Variants in ATP6V0A1 observed in about 807,000 individuals in gnomAD.
ATP6V0A1 encodes ATPase H+ transporting V0 subunit a1, also known as V-type proton ATPase 116 kDa subunit a 1.
A neutral mutation model predicts 105.4 loss-of-function variants in ATP6V0A1; 43 were observed. The observed-to-expected ratio is 0.41, with a 90% CI of 0.32 to 0.53. ATP6V0A1 has a LOEUF of 0.53. Ranked by LOEUF, ATP6V0A1 falls within the 20% of genes least tolerant of loss-of-function variation. The pLI is 0.30. For missense variants in ATP6V0A1, 676 were observed against 1,051.1 expected (o/e 0.64, Z 4.93); for synonymous variants, 362 against 372.8 (o/e 0.97, Z 0.33).
intron 17 of ATP6V0A1, among the ~76,000 whole-genome samples, chr17:42,504,450 G>A (rs1007017022): frequency 3.4e-4 from 52 of 152,126 alleles, no homozygotes; most frequent in African/African-American, 1.0e-3. Flanking sequence ...TTCTACTTTG[G>A]GAGCCTTGAA....
chr17:42,476,256 C>G (rs567465944), intron 5 of ATP6V0A1, among the ~76,000 whole-genome samples: 2 of 152,310 alleles, frequency 1.3e-5, no homozygotes, highest in African/African-American at 4.8e-5. Flanking sequence ...TTGATCCTTA[C>G]TTCCCAAAAT....
chr17:42,503,191 C>G lies in ATP6V0A1; in HGVS notation c.2004+1887C>G, dbSNP rs934003060. On this transcript the variant is annotated intron_variant, in intron 17 of 21. Coordinates refer to ENST00000343619, the MANE Select transcript of ATP6V0A1 (RefSeq NM_001130021.3). Reference sequence around the variant, plus strand: ...CTCTTGGACTCACCCACTTTCATGTCTGTATTTTGTGACCATGTATTGGAT... The same window carrying G: ...CTCTTGGACTCACCCACTTTCATGTGTGTATTTTGTGACCATGTATTGGAT... Among the ~76,000 whole-genome samples, 6 of 152,250 alleles carry G rather than the reference C, an allele frequency of 3.9e-5. No homozygotes were observed. In the East Asian group the frequency reaches 1.2e-3, roughly 29 times the overall value.
intron 5 of ATP6V0A1, among the ~76,000 whole-genome samples, chr17:42,473,664 C>T (rs2088305287): frequency 6.6e-6 from 1 of 152,134 alleles, no homozygotes; most frequent in Non-Finnish European, 1.5e-5. Flanking sequence ...ATATTGCTAT[C>T]TCATATGAAA....
intron 17 of ATP6V0A1, among the ~76,000 whole-genome samples, chr17:42,505,127 C>T (rs2091936754): frequency 6.6e-6 from 1 of 152,048 alleles, no homozygotes; most frequent in South Asian, 2.1e-4. Context: ...CCTCCACCTC[C>T]CAGGTTCAAG....
chr17:42,460,714 A>C, intron 1 of ATP6V0A1, 134 bp from the exon 2 acceptor site: 1 of 539,032 alleles, frequency 1.9e-6, no homozygotes, highest in Non-Finnish European at 3.4e-6. Flanking sequence ...CTTTCTAGAC[A>C]GGGTGTCAAA....
intron 21 of ATP6V0A1, chr17:42,520,731 A>G (rs2092809311): frequency 2.3e-6 from 1 of 428,102 alleles, no homozygotes; most frequent in South Asian, 1.9e-5. Context: ...GTTAGGCTCA[A>G]GGTAACTGAA....
chr17:42,465,613 A>G (rs1353357483), intron 2 of ATP6V0A1, among the ~76,000 whole-genome samples: 2 of 151,692 alleles, frequency 1.3e-5, no homozygotes, highest in African/African-American at 4.8e-5. Flanking sequence ...TTTAGTGAGT[A>G]GTTACTTGTT....
At chr17:42,470,516 T>C (rs146060865) in intron 5 of ATP6V0A1, 22 of 265,086 alleles carry the variant, frequency 8.3e-5, no homozygotes, top group African/African-American at 4.3e-4. Flanking sequence ...TTTATACTTA[T>C]AAGGTAAGTA....
At chr17:42,482,042 G>C (rs1885948746) in intron 8 of ATP6V0A1, among the ~76,000 whole-genome samples, 2 of 151,938 alleles carry the variant, frequency 1.3e-5, no homozygotes, top group South Asian at 4.2e-4. Context: ...GGGTTTTGCC[G>C]TGTTGGCCAG....
chr17:42,465,158 A>G (rs912355846), intron 2 of ATP6V0A1, among the ~76,000 whole-genome samples: 1 of 151,610 alleles, frequency 6.6e-6, no homozygotes, highest in African/African-American at 2.4e-5. Context: ...ATGCCCGGCT[A>G]ATTTTTTGTA....
At chr17:42,502,360 G>A (rs189257228) in intron 17 of ATP6V0A1, among the ~76,000 whole-genome samples, 79 of 152,342 alleles carry the variant, frequency 5.2e-4, no homozygotes, top group Admixed American at 2.2e-3. Flanking sequence ...TTTCAAATGA[G>A]ACTGTGATAA....
chr17:42,487,703 G>A (rs2090239206), intron 10 of ATP6V0A1, among the ~76,000 whole-genome samples: 1 of 151,868 alleles, frequency 6.6e-6, no homozygotes, highest in African/African-American at 2.4e-5. Flanking sequence ...ATTCCAGCCT[G>A]GGCAACAGAG....
At chr17:42,492,629 C>T (rs910592119) in intron 11 of ATP6V0A1, among the ~76,000 whole-genome samples, 6 of 149,730 alleles carry the variant, frequency 4.0e-5, no homozygotes, top group South Asian at 2.1e-4. Context: ...TCACTTGAAC[C>T]GGGGAGACGG....
At chr17:42,516,641 G>A (rs548358230) in intron 21 of ATP6V0A1, among the ~76,000 whole-genome samples, 14 of 152,312 alleles carry the variant, frequency 9.2e-5, no homozygotes, top group African/African-American at 3.1e-4. Flanking sequence ...GTGGGTAGCC[G>A]GTCATCTCCC....
At chr17:42,517,784 CT>C (rs2092691640) in intron 21 of ATP6V0A1, 1 of 152,288 alleles carries the variant, frequency 6.6e-6, no homozygotes, top group Non-Finnish European at 1.5e-5. Flanking sequence ...TGCTGCTGTT[CT>C]TCCTGGCATC....
intron 2 of ATP6V0A1, among the ~76,000 whole-genome samples, chr17:42,466,187 G>A (rs561740378): frequency 1.6e-4 from 24 of 152,266 alleles, no homozygotes; most frequent in Non-Finnish European, 2.5e-4. Flanking sequence ...TTTTTGTACC[G>A]TTGTGTTTTA....
intron 12 of ATP6V0A1, 198 bp downstream of exon 12, chr17:42,494,671 G>T (rs1000913430): frequency 1.6e-6 from 1 of 623,568 alleles, no homozygotes; most frequent in Non-Finnish European, 2.6e-6. Flanking sequence ...CTACTTGGAG[G>T]CTGAGGCAGG....
At chr17:42,499,167 T>C (rs2091450746) in intron 15 of ATP6V0A1, 125 bp downstream of exon 15, 3 of 760,670 alleles carry the variant, frequency 3.9e-6, no homozygotes, top group Admixed American at 2.4e-5. Context: ...ATAGAAGTGC[T>C]TTTCTAAAAA....
chr17:42,483,444 G>A (rs2089770292), intron 9 of ATP6V0A1, among the ~76,000 whole-genome samples: 1 of 150,304 alleles, frequency 6.7e-6, no homozygotes, highest in African/African-American at 2.5e-5. Context: ...GTCTCACTCT[G>A]TCACCCAGGC....
Sources: allele counts gnomAD v4.1 joint callset (sites outside exome capture counted in the v4.1 genomes callset), GRCh38; gene constraint gnomAD v4.1.1; transcripts MANE v1.5; gene names NCBI Gene and HGNC (gene_info 2026-07-23, HGNC 2026-07-21).